The following CACNA1A variants were observed in gnomAD, a reference collection of about 807,000 sequenced individuals.
The protein encoded by CACNA1A is voltage-dependent P/Q-type calcium channel subunit alpha-1A.
A neutral mutation model predicts 262.4 loss-of-function variants in CACNA1A; 57 were observed. The observed-to-expected ratio is 0.22, with a 90% CI of 0.18 to 0.27. The LOEUF (loss-of-function observed/expected upper bound fraction) is 0.27, where lower values mean the gene tolerates loss of function less well. CACNA1A is among the 10% of genes least tolerant of loss of function. The probability of loss-of-function intolerance (pLI) is 1.00; values close to 1 mark genes in which losing one functional copy is unlikely to be tolerated. For synonymous variants in CACNA1A, 1,431 were observed against 1,419.3 expected (o/e 1.01, Z -0.18); for missense variants, 2,526 against 3,562.8 (o/e 0.71, Z 7.41).
At chr19:13,413,107 T>G (rs531461695) in intron 3 of CACNA1A, among the ~76,000 whole-genome samples, 152 of 122,138 alleles carry the variant, frequency 1.2e-3, no homozygotes, top group African/African-American at 7.1e-3. Context: ...TTTGTTTTTT[T>G]TTTTTGTTTT....
intron 1 of CACNA1A, among the ~76,000 whole-genome samples, chr19:13,504,290 G>A (rs1029527175): frequency 2.0e-5 from 3 of 152,166 alleles, no homozygotes; most frequent in African/African-American, 7.2e-5. Context: ...TTAAGAGTCT[G>A]AAACTTAGGA....
At chr19:13,239,422 A>G (rs1449658102) in intron 31 of CACNA1A, among the ~76,000 whole-genome samples, 1 of 152,174 alleles carries the variant, frequency 6.6e-6, no homozygotes, top group Non-Finnish European at 1.5e-5. Context: ...TATAATTTTA[A>G]GTGGAGTCAA....
intron 22 of CACNA1A, among the ~76,000 whole-genome samples, chr19:13,281,979 A>G (rs2057303247): frequency 6.6e-6 from 1 of 152,220 alleles, no homozygotes; most frequent in South Asian, 2.1e-4. Context: ...TCGCGTCAGC[A>G]GGGGGTTTGT....
intron 37 of CACNA1A, chr19:13,225,300 C>A: frequency 6.4e-6 from 1 of 156,052 alleles, no homozygotes; most frequent in Non-Finnish European, 1.4e-5. Context: ...GGCAGGCAGC[C>A]CCCCACTGAC....
intron 31 of CACNA1A, chr19:13,244,841 T>G: frequency 3.6e-6 from 1 of 274,258 alleles, no homozygotes; most frequent in Non-Finnish European, 7.0e-6. Flanking sequence ...TGACATAGGG[T>G]GGTGTTTGGG....
At chr19:13,443,322 C>G (rs1483412547) in intron 3 of CACNA1A, among the ~76,000 whole-genome samples, 1 of 151,690 alleles carries the variant, frequency 6.6e-6, no homozygotes, top group Non-Finnish European at 1.5e-5. Flanking sequence ...TTTATTTAAC[C>G]TTGAGAGTTG....
At chr19:13,437,231 T>C (rs990151218) in intron 3 of CACNA1A, among the ~76,000 whole-genome samples, 2 of 152,204 alleles carry the variant, frequency 1.3e-5, no homozygotes, top group African/African-American at 4.8e-5. Context: ...GTCCAAATCC[T>C]GGCTCTAGCC....
Position 13,212,715 on chromosome 19 carries a change from C to A in CACNA1A, c.5966G>T (p.Arg1989Leu). ...CTGCGTTGGGGACGGGGGCTCCATG[C>A]GCTGGAACATGAGGGGTGTCCGGTC... ...EQDRTPLMFQRMEPPSPTQEG... is the reference protein window; with the variant it reads ...EQDRTPLMFQLMEPPSPTQEG... Residue 1989 changes from arginine (R) to leucine (L), a missense_variant, in exon 41 of 47, where the codon CGC becomes CTC. Arg to Leu is a moderately radical substitution (Grantham distance 102, BLOSUM62 -2). Transcript: ENST00000360228. This position sits in a 1 kb window ranked among gnomAD's most constrained non-coding sequence, Gnocchi z 5.6. 6.6e-7 allele frequency: 1 copy of A among 1,504,556 alleles called. No homozygotes were observed. The highest frequency in any genetic ancestry group is 1.4e-5 in the South Asian group (1 of 73,004). 93.2% of individuals were successfully genotyped at this position (1,504,556 alleles called of 1,614,324 possible).
intron 12 of CACNA1A, among the ~76,000 whole-genome samples, chr19:13,311,005 C>T (rs2058024638): frequency 6.6e-6 from 1 of 152,020 alleles, no homozygotes; most frequent in Non-Finnish European, 1.5e-5. Flanking sequence ...GTTGGCCAGG[C>T]TGGTCTTGAA....
chr19:13,448,608 T>G (rs989904316), intron 3 of CACNA1A, among the ~76,000 whole-genome samples: 2 of 152,188 alleles, frequency 1.3e-5, no homozygotes, highest in Non-Finnish European at 2.9e-5. Flanking sequence ...GAGCATGAAT[T>G]GGCACAACCA....
At chr19:13,346,617 T>A (rs1189792230) in intron 6 of CACNA1A, among the ~76,000 whole-genome samples, 4 of 3,954 alleles carry the variant, frequency 1.0e-3, no homozygotes, top group Non-Finnish European at 1.2e-3. Context: ...TTTAATTGAT[T>A]ATATATATAT....
intron 1 of CACNA1A, among the ~76,000 whole-genome samples, chr19:13,464,828 G>C (rs111521338): frequency 2.6e-5 from 4 of 152,026 alleles, no homozygotes; most frequent in African/African-American, 4.8e-5. Flanking sequence ...GATTACAGGC[G>C]TGAGCCACTG....
intron 3 of CACNA1A, among the ~76,000 whole-genome samples, chr19:13,436,313 A>G (rs1357385999): frequency 6.6e-6 from 1 of 152,080 alleles, no homozygotes; most frequent in Non-Finnish European, 1.5e-5. Flanking sequence ...CTGTTTGCAA[A>G]TAAGAGAGGA....
intron 3 of CACNA1A, among the ~76,000 whole-genome samples, chr19:13,404,187 T>TACAC (rs1441476676): frequency 1.4e-5 from 2 of 144,944 alleles, no homozygotes; most frequent in South Asian, 2.3e-4. Flanking sequence ...TATATACACA[T>TACAC]ATACACACAC....
chr19:13,397,179 C>A (rs979322694), intron 3 of CACNA1A, among the ~76,000 whole-genome samples: 8 of 152,062 alleles, frequency 5.3e-5, no homozygotes, highest in Non-Finnish European at 8.8e-5. Flanking sequence ...ACCTTGAAGT[C>A]CCCCCAGTTT....
intron 1 of CACNA1A, among the ~76,000 whole-genome samples, chr19:13,472,332 TGTA>T (rs2145041024): frequency 1.3e-5 from 2 of 151,898 alleles, no homozygotes; most frequent in East Asian, 3.9e-4. Context: ...GCTTTATATA[TGTA>T]ATATTATATG....
At position 13,207,900 on chromosome 19, in the gene CACNA1A, G is replaced by C; in HGVS notation, c.6934C>G (p.Pro2312Ala). ...VIRKAGGSGP[P>A]QQQQQQQQQQ... The stretch of plus-strand genomic sequence containing the variant: ...TGCTGCTGCTGCTGCTGCTGCTGCG[G>C]GGGCCCCGAGCCGCCGGCCTTACGG... The change falls in exon 47 of 47, where the codon CCG becomes GCG. Residue 2312 changes from proline (P) to alanine (A), a missense_variant. Coordinates refer to ENST00000360228, the MANE Select transcript of CACNA1A (RefSeq NM_001127222.2). This position sits in a 1 kb window ranked among gnomAD's most constrained non-coding sequence, Gnocchi z 5.7. 6.8e-7 allele frequency: 1 copy of C among 1,468,480 alleles called. No individual in the cohort carries two copies. Among genetic ancestry groups the C allele is most frequent in the Non-Finnish European group, 9.0e-7 (1 of 1,115,308 alleles). 91.0% of individuals were successfully genotyped at this position (1,468,480 alleles called of 1,614,324 possible).
intron 3 of CACNA1A, among the ~76,000 whole-genome samples, chr19:13,417,608 G>A (rs754236779): frequency 6.6e-6 from 1 of 152,166 alleles, no homozygotes; most frequent in Non-Finnish European, 1.5e-5. Context: ...AACCATAGTT[G>A]CCCAGTGTGG....
intron 5 of CACNA1A, among the ~76,000 whole-genome samples, chr19:13,361,049 A>G (rs1023352570): frequency 2.0e-5 from 3 of 152,164 alleles, no homozygotes; most frequent in African/African-American, 4.8e-5. Flanking sequence ...TCCGACATCC[A>G]TTAGGACAAA....
Sources: allele counts gnomAD v4.1 joint callset (sites outside exome capture counted in the v4.1 genomes callset), GRCh38; gene constraint gnomAD v4.1.1; non-coding constraint Gnocchi (gnomAD v3.1); transcripts MANE v1.5; gene names NCBI Gene and HGNC (gene_info 2026-07-23, HGNC 2026-07-21).